Variants in SLC2A7 observed in about 807,000 individuals in gnomAD.
The protein encoded by SLC2A7 is solute carrier family 2, facilitated glucose transporter member 7.
Under a neutral mutation model 50.5 loss-of-function variants are expected in SLC2A7, and 50 were observed. The ratio of observed to expected loss-of-function variants is 0.99; its 90% CI spans 0.79 to 1.25. SLC2A7 has a LOEUF of 1.25. Among genes scored for constraint, SLC2A7 ranks in the 50% most tolerant of loss-of-function variants. The pLI, the probability that SLC2A7 is intolerant of heterozygous loss-of-function variation, is 0.00. For synonymous variants in SLC2A7, 308 were observed against 300.4 expected, an observed-to-expected ratio of 1.03 and a Z score of -0.26; for missense variants, 683 against 679.1, an observed-to-expected ratio of 1.01 and a Z score of -0.06.
In SLC2A7 at chr1:9,022,946, C is replaced by T. The variant is rs563784708; in HGVS notation, c.283G>A (p.Val95Met). 254 of 1,614,056 alleles carry T rather than the reference C, an allele frequency of 1.6e-4. 10 individuals are homozygous for T. The South Asian group carries it at 2.3e-3, about 15-fold the overall frequency. The change falls in exon 3 of 12, where the codon GTG becomes ATG. Residue 95 changes from valine to methionine, a missense_variant. By Grantham distance (21) the Val-to-Met change is conservative. Transcript: ENST00000400906. ...PLGGLLGSLL[V>M]GLLVDSCGRK... ...CCGCAGCTATCAACCAGCAGGCCCA[C>T]GAGCAATGACCCCAACAGGCCGCCC...
intron 9 of SLC2A7, 78 bp downstream of exon 9, chr1:9,010,065 C>T: frequency 7.3e-7 from 1 of 1,373,518 alleles, no homozygotes; most frequent in Non-Finnish European, 1.0e-6. Context: ...CCACTTGGTG[C>T]AGCGGGCCCG....
chr1:9,019,370 G>C, intron 3 of SLC2A7, 37 bp from the exon 4 acceptor site: 1 of 1,609,652 alleles, frequency 6.2e-7, no homozygotes, highest in Non-Finnish European at 8.5e-7. Flanking sequence ...AGGGGTGCGT[G>C]GAGGCCGCGG....
At chr1:8,995,816 G>A in the SLC2A7 span, among the ~76,000 whole-genome samples, 1 of 152,138 alleles carries the variant, frequency 6.6e-6, no homozygotes, top group Non-Finnish European at 1.5e-5. Flanking sequence ...GGCCCAGGCT[G>A]GAGTGCAGGG....
intron 5 of SLC2A7, among the ~76,000 whole-genome samples, chr1:9,016,829 C>T (rs1459578850): frequency 2.0e-5 from 3 of 152,186 alleles, no homozygotes; most frequent in Non-Finnish European, 4.4e-5. Flanking sequence ...TCTTTCCCTC[C>T]ACCCTCCACG....
chr1:9,019,399 C>A (rs994298127), intron 3 of SLC2A7, 66 bp from the exon 4 acceptor site: 6 of 1,591,788 alleles, frequency 3.8e-6, no homozygotes, highest in Admixed American at 1.8e-5. Context: ...CCAACACCAG[C>A]TCCTATTCTG....
At position 9,014,878 on chromosome 1, in the gene SLC2A7, G is replaced by T; in HGVS notation, c.716-10C>A. 1 of 1,584,350 alleles carries T rather than the reference G, an allele frequency of 6.3e-7. No homozygotes were observed. Among genetic ancestry groups the T allele is most frequent in the Non-Finnish European group, 8.6e-7 (1 of 1,165,846 alleles). On this transcript the variant is annotated splice_polypyrimidine_tract_variant and intron_variant, in intron 6 of 11. Coordinates refer to ENST00000400906, the MANE Select transcript of SLC2A7 (RefSeq NM_207420.3). ...CTCAGCCTCCTCAGAGCTGCGGAAA[G>T]CAGAACCACCCGCTCAGAGGGCCGT...
Position 9,008,482 on chromosome 1 carries a change from C to T in SLC2A7, c.1117-1097G>A, listed in dbSNP as rs978406754. On this transcript the variant is annotated intron_variant, in intron 9 of 11. Coordinates refer to ENST00000400906, the MANE Select transcript of SLC2A7 (RefSeq NM_207420.3). The surrounding 1 kb of genome is among the most constrained non-coding windows in gnomAD (Gnocchi z 5.9). ...TTGGACAGAAGGAGTGAAAGAGCCA[C>T]CGGGGATGCCCCTAGGTTTCAGAAG... is the stretch of plus-strand genomic sequence containing the variant. 2.0e-5 allele frequency among the ~76,000 whole-genome samples: 3 copies of T among 152,174 alleles called. No homozygotes were observed. The highest frequency in any genetic ancestry group is 2.1e-4 in the South Asian group (1 of 4,828).
At chr1:9,025,226 G>T in intron 1 of SLC2A7, 152 bp from the exon 2 acceptor site, 1 of 739,252 alleles carries the variant, frequency 1.4e-6, no homozygotes, top group African/African-American at 1.8e-5. Flanking sequence ...GTGGCGCAGG[G>T]CTGGGGCTTT....
intron 2 of SLC2A7, among the ~76,000 whole-genome samples, chr1:9,024,004 C>T (rs533730624): frequency 1.3e-5 from 2 of 151,754 alleles, no homozygotes; most frequent in African/African-American, 2.4e-5. Context: ...TACAGATACC[C>T]GCCACCATGC....
Position 9,006,910 on chromosome 1 carries a change from G to A in SLC2A7, c.1192+400C>T, listed in dbSNP as rs189256832. 1.6e-3 allele frequency among the ~76,000 whole-genome samples: 246 copies of A among 152,322 alleles called. 2 individuals carry two copies. The highest frequency in any genetic ancestry group is 0.01 in the Middle Eastern group (3 of 294). On this transcript the variant is annotated intron_variant, in intron 10 of 11. Transcript: ENST00000400906. ...AAGGGACTGTAGCTGGCAGTCAGCG[G>A]GGATAGAAGGCAGTTGAGCCTTGGG...
At chr1:9,001,903 C>T (rs1640580548), downstream of SLC2A7, among the ~76,000 whole-genome samples, 1 of 152,126 alleles carries the variant, frequency 6.6e-6, no homozygotes, top group African/African-American at 2.4e-5. Context: ...TTGTTCTGTA[C>T]TAAGAAAAAT....
At chr1:8,997,029 CG>C in the SLC2A7 span, among the ~76,000 whole-genome samples, 1 of 152,232 alleles carries the variant, frequency 6.6e-6, no homozygotes, top group African/African-American at 2.4e-5. Flanking sequence ...CCACCCACCT[CG>C]GACTCCTAAA....
intron 2 of SLC2A7, among the ~76,000 whole-genome samples, chr1:9,024,247 C>T (rs1640961243): frequency 6.6e-6 from 1 of 152,164 alleles, no homozygotes; most frequent in African/African-American, 2.4e-5. Context: ...GTTATGGAAA[C>T]AAGATGTACC....
chr1:9,007,652 G>A (rs949779982), intron 9 of SLC2A7, among the ~76,000 whole-genome samples: 2 of 152,168 alleles, frequency 1.3e-5, no homozygotes, highest in Non-Finnish European at 2.9e-5. Flanking sequence ...CCTGCCAGGT[G>A]CCATTCTCTG....
chr1:9,024,857 C>T, intron 2 of SLC2A7, 119 bp downstream of exon 2: 1 of 1,135,124 alleles, frequency 8.8e-7, no homozygotes, highest in Non-Finnish European at 1.3e-6. Flanking sequence ...CTCCCAAAGG[C>T]AAGATGGTGC....
chr1:8,998,353 C>T (rs539021492), downstream of SLC2A7, among the ~76,000 whole-genome samples: 124 of 151,402 alleles, frequency 8.2e-4, no homozygotes, highest in African/African-American at 2.6e-3. Context: ...TGCAGTGAGC[C>T]GAGATCACAC....
At chr1:9,011,665 C>T (rs1295097082) in intron 8 of SLC2A7, among the ~76,000 whole-genome samples, 1 of 151,906 alleles carries the variant, frequency 6.6e-6, no homozygotes, top group African/African-American at 2.4e-5. Flanking sequence ...GCTCCTTCTC[C>T]AACAACCAAG....
In SLC2A7 at chr1:9,015,172, G is replaced by A. The variant is rs773128823; in HGVS notation, c.660C>T (p.Pro220=). The A allele has an allele frequency of 9.9e-6, 16 of 1,612,644 alleles. No homozygotes were observed. The highest frequency in any genetic ancestry group is 2.7e-5 in the African/African-American group (2 of 74,990). The change falls in exon 6 of 12, where the codon CCC becomes CCT. Residue 220 remains proline (P), a synonymous_variant. Transcript: ENST00000400906. ...LLQLLTLPFF[P]ESPRYSLIQK... ...GAATCAGGGAGTAGCGGGGGCTTTCGGGGAAGAAGGGCAGGGTCAGCAGCT... is the reference window on the plus strand; with the variant it reads ...GAATCAGGGAGTAGCGGGGGCTTTCAGGGAAGAAGGGCAGGGTCAGCAGCT...
chr1:9,002,549 G>A (rs1557644759), downstream of SLC2A7, among the ~76,000 whole-genome samples: 1 of 152,130 alleles, frequency 6.6e-6, no homozygotes, highest in African/African-American at 2.4e-5. Context: ...TTGCTCACAT[G>A]TTTTCCTGCT....
Sources: gnomAD v4.1 joint callset for allele counts (sites outside exome capture counted in the v4.1 genomes callset) on GRCh38, gnomAD v4.1.1 for gene constraint, Gnocchi (gnomAD v3.1) non-coding constraint, MANE v1.5 for transcripts, NCBI Gene and HGNC (gene_info 2026-07-23, HGNC 2026-07-21) for gene names.